Variants in RBFOX1 observed in about 807,000 individuals in gnomAD.
The protein encoded by RBFOX1 is RNA binding protein fox-1 homolog 1.
A neutral mutation model predicts 57.7 loss-of-function variants in RBFOX1; 8 were observed. The ratio of observed to expected loss-of-function variants is 0.14; its 90% CI spans 0.08 to 0.25. The LOEUF (loss-of-function observed/expected upper bound fraction) is 0.25, where lower values mean the gene tolerates loss of function less well. Among genes scored for constraint, RBFOX1 ranks in the 10% least tolerant of loss-of-function variants. The probability of loss-of-function intolerance (pLI) is 1.00; values close to 1 mark genes in which losing one functional copy is unlikely to be tolerated. For missense variants in RBFOX1, 611 were observed against 548.5 expected (o/e 1.11, Z -1.14); for synonymous variants, 326 against 222.4 (o/e 1.47, Z -4.15).
intron 4 of RBFOX1, among the ~76,000 whole-genome samples, chr16:7,071,580 C>T (rs1438911916): frequency 3.3e-5 from 4 of 120,466 alleles, no homozygotes; most frequent in Non-Finnish European, 6.8e-5. Context: ...CACTAATTTG[C>T]CCAGATATGT....
At position 7,393,712 on chromosome 16, in the gene RBFOX1, G is replaced by A. The variant is rs376421751; in HGVS notation, c.28-124435G>A. Among the ~76,000 whole-genome samples the A allele has an allele frequency of 2.1e-4, 32 of 152,184 alleles. No individual in the cohort carries two copies. In the East Asian group the frequency reaches 4.3e-3, roughly 20 times the overall value. ...TTTCACTGAGTCTTATCCCCACCCC[G>A]TTTCATCCATCTGTCTTTGGCCACA... On this transcript the variant is annotated intron_variant, in intron 4 of 15. Transcript: ENST00000550418.
At chr16:6,093,883 G>T in intron 1 of RBFOX1, among the ~76,000 whole-genome samples, 1 of 151,944 alleles carries the variant, frequency 6.6e-6, no homozygotes, top group East Asian at 1.9e-4. Context: ...GCCTCCCAAA[G>T]TTCTGAGATT....
intron 3 of RBFOX1, among the ~76,000 whole-genome samples, chr16:5,745,506 A>T (rs2052943023): frequency 6.6e-6 from 1 of 152,196 alleles, no homozygotes; most frequent in Admixed American, 6.5e-5. Flanking sequence ...TAGATCCTTG[A>T]GGAATCGCCT....
intron 4 of RBFOX1, among the ~76,000 whole-genome samples, chr16:5,896,323 C>G (rs1375207211): frequency 6.6e-6 from 1 of 152,080 alleles, no homozygotes; most frequent in Non-Finnish European, 1.5e-5. Context: ...TGATCGTGGG[C>G]AAGGGTCTTT....
chr16:5,810,826 A>C (rs1385306499), intron 3 of RBFOX1, among the ~76,000 whole-genome samples: 1 of 152,182 alleles, frequency 6.6e-6, no homozygotes, highest in Non-Finnish European at 1.5e-5. Context: ...ACAAAATTCA[A>C]ATTGCCTCAA....
At chr16:5,627,570 A>G (rs549161287) in intron 3 of RBFOX1, among the ~76,000 whole-genome samples, 2 of 152,172 alleles carry the variant, frequency 1.3e-5, no homozygotes, top group East Asian at 1.9e-4. Context: ...AGAAGCGACA[A>G]CTTTATAATA....
At chr16:5,830,066 C>A (rs1211899323) in intron 3 of RBFOX1, among the ~76,000 whole-genome samples, 2 of 152,220 alleles carry the variant, frequency 1.3e-5, no homozygotes, top group African/African-American at 4.8e-5. Context: ...AAACACCACA[C>A]TGCCACTTTT....
At chr16:6,630,324 T>C (rs1408266326) in intron 2 of RBFOX1, among the ~76,000 whole-genome samples, 1 of 152,154 alleles carries the variant, frequency 6.6e-6, no homozygotes, top group Admixed American at 6.5e-5. Context: ...GACATTAATT[T>C]CAAAATCCAT....
At chr16:5,395,744 C>T (rs1567444530) in intron 1 of RBFOX1, among the ~76,000 whole-genome samples, 1 of 152,204 alleles carries the variant, frequency 6.6e-6, no homozygotes, top group Non-Finnish European at 1.5e-5. Flanking sequence ...AAAACTCCAT[C>T]TTCCCAGCAG....
intron 1 of RBFOX1, among the ~76,000 whole-genome samples, chr16:6,307,864 A>T (rs2152755547): frequency 6.8e-6 from 1 of 146,422 alleles, no homozygotes; most frequent in South Asian, 2.2e-4. Flanking sequence ...TTATATTTCT[A>T]TAAATGATAA....
intron 3 of RBFOX1, among the ~76,000 whole-genome samples, chr16:6,808,548 C>CA (rs1255553467): frequency 6.6e-6 from 1 of 152,094 alleles, no homozygotes; most frequent in Non-Finnish European, 1.5e-5. Context: ...GCATACTCAA[C>CA]AAACATTGTC....
At chr16:5,687,513 G>A (rs1033499707) in intron 3 of RBFOX1, among the ~76,000 whole-genome samples, 1 of 152,212 alleles carries the variant, frequency 6.6e-6, no homozygotes, top group Non-Finnish European at 1.5e-5. Context: ...ATGTTCGAAT[G>A]CTTTGATATC....
rs575235024 is a variant in RBFOX1, at chr16:5,897,016, C to CTT, written c.351+29710_351+29711dup. ...CCCCCACTAAAAATGTATCCATCCG[C>CTT]TTTTTTTTTTTTTTTTTTTTTTTTT... On this transcript the variant is annotated intron_variant, in intron 4 of 19. Transcript: ENST00000641259. Among the ~76,000 whole-genome samples the CTT allele has an allele frequency of 4.6e-4, 26 of 56,468 alleles. 4 individuals carry two copies. Among genetic ancestry groups the CTT allele is most frequent in the African/African-American group, 1.2e-3 (16 of 13,014 alleles). The allele number at this position is 56,468 out of a possible 152,430, so 37.0% of individuals were successfully genotyped here. A position where few individuals can be genotyped will look rare whatever the true frequency, so the allele number is the denominator to read the frequency against.
At position 7,094,776 on chromosome 16, in the gene RBFOX1, G is replaced by GT. The variant is rs1567232654; in HGVS notation, c.27+42678_27+42679insT. Among the ~76,000 whole-genome samples, 374 of 133,782 alleles carry GT rather than the reference G, an allele frequency of 2.8e-3. 1 individual carries two copies. Among genetic ancestry groups the GT allele is most frequent in the African/African-American group, 4.4e-3 (175 of 39,618 alleles). 87.8% of individuals were successfully genotyped at this position (133,782 alleles called of 152,430 possible). On this transcript the variant is annotated intron_variant, in intron 4 of 15. Transcript: ENST00000550418. ...TGTGTGTGTGTGTGTGTGTGTGTGT[G>GT]GGTGTGTGTGTGTGTTGAGAGAGAG... is the stretch of plus-strand genomic sequence containing the variant.
intron 3 of RBFOX1, among the ~76,000 whole-genome samples, chr16:6,692,812 A>C (rs1194258041): frequency 1.3e-5 from 2 of 152,026 alleles, no homozygotes; most frequent in Non-Finnish European, 2.9e-5. Flanking sequence ...TACTATCACT[A>C]CCATCATCAT....
intron 4 of RBFOX1, among the ~76,000 whole-genome samples, chr16:7,451,652 G>C (rs2098860461): frequency 6.6e-6 from 1 of 152,124 alleles, no homozygotes; most frequent in Non-Finnish European, 1.5e-5. Context: ...AAACCTACCT[G>C]TCTTTAAATG....
rs139554811 is a variant in RBFOX1 at position 6,340,087 on chromosome 16, G to T, written c.-64+23030G>T. Among the ~76,000 whole-genome samples, 1,101 of 152,312 alleles carry T rather than the reference G, an allele frequency of 7.2e-3. 9 individuals are homozygous for T. Among genetic ancestry groups the T allele is most frequent in the Admixed American group, 9.9e-3 (152 of 15,296 alleles). ...GTATCTAGTGACTTTCAGTTAGAAG[G>T]AAGTGGAACAAAGTGCAGCCTGATT... On this transcript the variant is annotated intron_variant, in intron 2 of 15. Coordinates refer to ENST00000550418, the MANE Select transcript of RBFOX1 (RefSeq NM_018723.4).
intron 4 of RBFOX1, among the ~76,000 whole-genome samples, chr16:7,469,493 T>A (rs779673390): frequency 6.6e-5 from 10 of 152,172 alleles, no homozygotes; most frequent in Non-Finnish European, 1.0e-4. Flanking sequence ...CCTCAGCTCA[T>A]CCTTCATATC....
intron 4 of RBFOX1, among the ~76,000 whole-genome samples, chr16:7,127,791 C>G (rs57489743): frequency 6.6e-6 from 1 of 152,168 alleles, no homozygotes; most frequent in Admixed American, 6.5e-5. Context: ...AGCCTTGGCA[C>G]ATCTTGGTAG....
Sources: gnomAD v4.1 joint callset for allele counts (sites outside exome capture counted in the v4.1 genomes callset) on GRCh38, gnomAD v4.1.1 for gene constraint, MANE v1.5 for transcripts, NCBI Gene and HGNC (gene_info 2026-07-23, HGNC 2026-07-21) for gene names.